TCTN1: variants seen among roughly 807,000 people sequenced by gnomAD.
TCTN1 encodes tectonic family member 1, also known as tectonic-1.
A neutral mutation model predicts 65.8 loss-of-function variants in TCTN1; 58 were observed. The ratio of observed to expected loss-of-function variants is 0.88; its 90% confidence interval spans 0.71 to 1.10. The LOEUF (loss-of-function observed/expected upper bound fraction) is 1.10, where lower values mean the gene tolerates loss of function less well. Ranked by LOEUF, TCTN1 falls within the 50% of genes least tolerant of loss-of-function variation. The probability of loss-of-function intolerance (pLI) is 0.00; values close to 1 mark genes in which losing one functional copy is unlikely to be tolerated. For synonymous variants in TCTN1, 273 were observed against 289.1 expected, an observed-to-expected ratio of 0.94 and a Z score of 0.57; for missense variants, 645 against 719.4, an observed-to-expected ratio of 0.90 and a Z score of 1.18.
At position 110,615,860 on chromosome 12, in the gene TCTN1, T is replaced by C. The variant is rs896732073; in HGVS notation, c.220+1458T>C. Among the ~76,000 whole-genome samples the C allele has an allele frequency of 1.2e-4, 18 of 152,224 alleles. 1 individual carries two copies. Among genetic ancestry groups the C allele is most frequent in the Non-Finnish European group, 2.4e-4 (16 of 68,044 alleles). ...TAAGTAAAAAAGTCATCAGCTGAGA[T>C]CTTGAACTCTAGGACTTAACTGCGG... On this transcript the variant is annotated intron_variant, in intron 1 of 14. Transcript: ENST00000397659.
chr12:110,641,481 T>C, intron 9 of TCTN1, 61 bp from the exon 10 acceptor site: 1 of 1,481,344 alleles, frequency 6.8e-7, no homozygotes, highest in Non-Finnish European at 9.4e-7. Context: ...AGAATTTTTC[T>C]TCCTGCCATT....
chr12:110,638,849 T>C (rs1301119003), intron 7 of TCTN1, among the ~76,000 whole-genome samples: 1 of 152,192 alleles, frequency 6.6e-6, no homozygotes, highest in African/African-American at 2.4e-5. Context: ...GGGGTTGCCC[T>C]TGTGTTAAAC....
intron 14 of TCTN1, chr12:110,648,812 A>C (rs945371680): frequency 1.8e-5 from 6 of 326,140 alleles, no homozygotes; most frequent in African/African-American, 1.4e-4. Flanking sequence ...TTTATACAGT[A>C]GTTGTTTTAT....
chr12:110,628,309 A>G (rs960296054), intron 3 of TCTN1: 1 of 1,416,170 alleles, frequency 7.1e-7, no homozygotes, highest in African/African-American at 1.4e-5. Context: ...AGCTTTAAAA[A>G]ATCCTGGGAG....
intron 7 of TCTN1, among the ~76,000 whole-genome samples, chr12:110,636,880 T>C (rs2066610513): frequency 6.6e-6 from 1 of 152,256 alleles, no homozygotes; most frequent in African/African-American, 2.4e-5. Flanking sequence ...ATAAGCACTT[T>C]GGCCAGTGGG....
chr12:110,635,471 C>A (rs7131996), intron 6 of TCTN1, among the ~76,000 whole-genome samples: 25,719 of 151,886 alleles, frequency 0.17, 3,328 homozygotes, highest in African/African-American at 0.36. Flanking sequence ...TAAAAAAAAA[C>A]CTTTTGTGTC....
chr12:110,635,028 C>G (rs2136073820), intron 6 of TCTN1, among the ~76,000 whole-genome samples: 1 of 152,076 alleles, frequency 6.6e-6, no homozygotes, highest in Admixed American at 6.5e-5. Flanking sequence ...CAATATCTGT[C>G]TCCTGAATAA....
intron 5 of TCTN1, 21 bp downstream of exon 5, chr12:110,632,580 C>A: frequency 6.2e-7 from 1 of 1,610,954 alleles, no homozygotes; most frequent in Non-Finnish European, 8.5e-7. Context: ...GGTCATTCTT[C>A]TTTCCTTAGA....
intron 14 of TCTN1, among the ~76,000 whole-genome samples, chr12:110,648,514 G>GAGTT (rs2067552455): frequency 6.6e-6 from 1 of 152,106 alleles, no homozygotes; most frequent in African/African-American, 2.4e-5. Flanking sequence ...CCCCTGCTTT[G>GAGTT]AGTTATTTAT....
chr12:110,628,528 A>G (rs2066003490), intron 3 of TCTN1, among the ~76,000 whole-genome samples: 1 of 151,934 alleles, frequency 6.6e-6, no homozygotes, highest in East Asian at 1.9e-4. Flanking sequence ...TTTAGTAGAG[A>G]CAGGATTTCA....
intron 1 of TCTN1, 39 bp from the exon 2 acceptor site, chr12:110,619,797 A>T (rs1281639401): frequency 5.0e-6 from 8 of 1,613,230 alleles, no homozygotes; most frequent in Non-Finnish European, 6.8e-6. Context: ...CCACCTGCTG[A>T]TGGTGATGTT....
At chr12:110,619,620 C>A (rs2065278108) in intron 1 of TCTN1, among the ~76,000 whole-genome samples, 1 of 152,200 alleles carries the variant, frequency 6.6e-6, no homozygotes, top group African/African-American at 2.4e-5. Flanking sequence ...ACAGAACTTT[C>A]CAAGCGAGTC....
At chr12:110,631,918 T>A (rs1277240178) in intron 4 of TCTN1, among the ~76,000 whole-genome samples, 2 of 152,174 alleles carry the variant, frequency 1.3e-5, no homozygotes, top group Non-Finnish European at 2.9e-5. Flanking sequence ...AAGGAGTTGT[T>A]TCCCATACTC....
At position 110,640,389 on chromosome 12, in the gene TCTN1, A is replaced by G; in HGVS notation, c.850A>G (p.Ile284Val). The change falls in exon 8 of 15, where the codon ATC becomes GTC. Residue 284 changes from isoleucine to valine, a missense_variant. Transcript: ENST00000397659. The surrounding 1 kb of genome is among the most constrained non-coding windows in gnomAD (Gnocchi z 4.9). Reference protein sequence around the residue: ...RVPDSRKKVPITVQSIVIQSL... With the variant: ...RVPDSRKKVPVTVQSIVIQSL... ...CCAGGTCTTCACTCTGCAGGTCCCT[A>G]TCACTGTTCAGTCCATCGTCATTCA... 6.2e-7 allele frequency: 1 copy of G among 1,614,114 alleles called. No individual in the cohort carries two copies. The highest frequency in any genetic ancestry group is 8.5e-7 in the Non-Finnish European group (1 of 1,180,020).
chr12:110,626,425 A>G lies in TCTN1; in HGVS notation c.405A>G (p.Pro135=). ...ATTCATTGAATTTTACAGCAAACCCACCTCAAAGAGTATTTGAACTTGTTG... is the reference window on the plus strand; with the variant it reads ...ATTCATTGAATTTTACAGCAAACCCGCCTCAAAGAGTATTTGAACTTGTTG... The part of the protein sequence containing the change: ...VIYSLNFTAN[P]PQRVFELVDQ... Residue 135 remains proline (P), a synonymous_variant, in exon 3 of 15, where the codon CCA becomes CCG. Transcript: ENST00000397659. 6.2e-7 allele frequency: 1 copy of G among 1,610,950 alleles called. No individual in the cohort carries two copies. Among genetic ancestry groups the G allele is most frequent in the Non-Finnish European group, 8.5e-7 (1 of 1,177,980 alleles).
chr12:110,614,780 CA>C (rs1483598491), intron 1 of TCTN1, among the ~76,000 whole-genome samples: 1 of 152,092 alleles, frequency 6.6e-6, no homozygotes. Flanking sequence ...AAAGAGAGGC[CA>C]AAGGTCTATC....
chr12:110,621,463 C>T (rs1225728223), intron 2 of TCTN1, among the ~76,000 whole-genome samples: 1 of 151,722 alleles, frequency 6.6e-6, no homozygotes, highest in Non-Finnish European at 1.5e-5. Context: ...CATTTTTGCT[C>T]CAACTTGGGG....
At position 110,614,304 on chromosome 12, in the gene TCTN1, C is replaced by T; in HGVS notation, c.122C>T (p.Ala41Val). Residue 41 changes from alanine to valine, a missense_variant, in exon 1 of 15, where the codon GCC becomes GTC. Coordinates refer to ENST00000397659, the MANE Select transcript of TCTN1 (RefSeq NM_001082538.3). ...GAGGGCCTCAACTCCACCGAGGCAGCCCTGGCCACCTTCGGAACTTTCCCG... is the reference window on the plus strand; with the variant it reads ...GAGGGCCTCAACTCCACCGAGGCAGTCCTGGCCACCTTCGGAACTTTCCCG... ...TTEGLNSTEA[A>V]LATFGTFPST... The T allele has an allele frequency of 6.2e-7, 1 of 1,601,594 alleles. No homozygotes were observed. The highest frequency in any genetic ancestry group is 2.2e-5 in the East Asian group (1 of 44,474).
At chr12:110,628,213 T>A in intron 3 of TCTN1, 2 of 1,535,958 alleles carry the variant, frequency 1.3e-6, no homozygotes, top group South Asian at 2.4e-5. Context: ...GCTTCTGTTG[T>A]GCTGTTTACT....
Sources: gnomAD v4.1 joint callset for allele counts (sites outside exome capture counted in the v4.1 genomes callset) on GRCh38, gnomAD v4.1.1 for gene constraint, Gnocchi (gnomAD v3.1) non-coding constraint, MANE v1.5 for transcripts, NCBI Gene and HGNC (gene_info 2026-07-23, HGNC 2026-07-21) for gene names.